Variants in UGT2A3 observed in about 807,000 individuals in gnomAD.
The protein encoded by UGT2A3 is UDP-glucuronosyltransferase 2A3.
UGT2A3 carries 55 observed loss-of-function variants against 44.1 expected under a neutral mutation model. The ratio of observed to expected loss-of-function variants is 1.25; its 90% CI spans 1.00 to 1.56. The LOEUF (loss-of-function observed/expected upper bound fraction) is 1.56, where lower values mean the gene tolerates loss of function less well. UGT2A3 is among the 40% of genes most tolerant of loss of function. UGT2A3 has a pLI of 0.00. For synonymous variants in UGT2A3, 243 were observed against 215.1 expected (o/e 1.13, Z -1.13); for missense variants, 733 against 621.6 (o/e 1.18, Z -1.91).
chr4:68,936,539 C>G (rs965232004), intron 2 of UGT2A3, among the ~76,000 whole-genome samples: 6 of 152,026 alleles, frequency 3.9e-5, no homozygotes, highest in Non-Finnish European at 8.8e-5. Flanking sequence ...CCAGGCCTGC[C>G]TTACAAGAGC....
chr4:68,930,735 T>C lies in UGT2A3; in HGVS notation c.1115A>G (p.His372Arg), dbSNP rs765084774. Reference protein sequence around the residue: ...GHPKTKAFITHGGMNGIYEAI... With the variant: ...GHPKTKAFITRGGMNGIYEAI... ...TTCATAGATCCCATTCATTCCACCA[T>C]GAGTGATAAAAGCTTTGGTTTTGGG... is the stretch of plus-strand genomic sequence containing the variant. Residue 372 changes from histidine (H) to arginine (R), a missense_variant, in exon 5 of 6, where the codon CAT becomes CGT. Coordinates refer to ENST00000251566, the MANE Select transcript of UGT2A3 (RefSeq NM_024743.4). The C allele has an allele frequency of 1.9e-6, 3 of 1,605,904 alleles. No individual in the cohort carries two copies. In the Admixed American group the frequency reaches 5.2e-5, roughly 28 times the overall value.
At chr4:68,942,159 A>G (rs1033933754) in intron 2 of UGT2A3, among the ~76,000 whole-genome samples, 1 of 151,672 alleles carries the variant, frequency 6.6e-6, no homozygotes, top group East Asian at 2.0e-4. Context: ...GAAGTCATAG[A>G]GATATCTGTC....
intron 2 of UGT2A3, among the ~76,000 whole-genome samples, chr4:68,936,008 A>G (rs755765243): frequency 1.3e-4 from 20 of 152,122 alleles, no homozygotes; most frequent in Non-Finnish European, 1.6e-4. Context: ...AGACAAGTTT[A>G]GGGAAAAAAG....
intron 2 of UGT2A3, among the ~76,000 whole-genome samples, chr4:68,934,066 G>A (rs1044392705): frequency 2.0e-5 from 3 of 151,654 alleles, no homozygotes; most frequent in African/African-American, 7.3e-5. Flanking sequence ...AAACTGGGAA[G>A]TATGACATCT....
intron 2 of UGT2A3, among the ~76,000 whole-genome samples, chr4:68,941,694 A>T (rs372020937): frequency 6.6e-6 from 1 of 151,914 alleles, no homozygotes; most frequent in East Asian, 1.9e-4. Context: ...AACAGGGTGA[A>T]GAGACAATTC....
chr4:68,932,893 C>T, intron 2 of UGT2A3, 134 bp from the exon 3 acceptor site: 1 of 857,084 alleles, frequency 1.2e-6, no homozygotes, highest in Non-Finnish European at 1.8e-6. Flanking sequence ...TATGCTGACA[C>T]ACAGAACTAT....
chr4:68,944,065 CTT>C (rs914610619), intron 2 of UGT2A3, among the ~76,000 whole-genome samples: 6 of 151,812 alleles, frequency 4.0e-5, no homozygotes, highest in African/African-American at 1.4e-4. Flanking sequence ...ATGCTGAACT[CTT>C]TTCTCTAGAA....
chr4:68,933,621 C>T (rs1211402097), intron 2 of UGT2A3, among the ~76,000 whole-genome samples: 1 of 152,030 alleles, frequency 6.6e-6, no homozygotes, highest in African/African-American at 2.4e-5. Flanking sequence ...GAGACACAAT[C>T]CAAGGGAAGG....
At position 68,951,170 on chromosome 4, in the gene UGT2A3, T is replaced by C. The variant is rs1351814017; in HGVS notation, c.591A>G (p.Thr197=). Residue 197 remains threonine, a synonymous_variant, in exon 1 of 6, where the codon ACA becomes ACG. Coordinates refer to ENST00000251566, the MANE Select transcript of UGT2A3 (RefSeq NM_024743.4). ...APLSYVPVPM[T]GLTDRMTFLE... ...GAAAGGTCATTCTGTCTGTTAGTCCTGTCATAGGCACAGGTACATAGGAAA... is the reference window on the plus strand; with the variant it reads ...GAAAGGTCATTCTGTCTGTTAGTCCCGTCATAGGCACAGGTACATAGGAAA... The C allele has an allele frequency of 6.2e-6, 10 of 1,611,970 alleles. No homozygotes were observed. The highest frequency in any genetic ancestry group is 6.8e-6 in the Non-Finnish European group (8 of 1,179,030).
chr4:68,935,276 GTATATATATATATATATATA>G lies in UGT2A3; in HGVS notation c.865-2537_865-2518del, dbSNP rs57286694. On this transcript the variant is annotated intron_variant, in intron 2 of 5. Coordinates refer to ENST00000251566, the MANE Select transcript of UGT2A3 (RefSeq NM_024743.4). ...AGGAGGTGTGTATGTATGTATGTAT[GTATATATATATATATATATA>G]TATATATATATATATATATATGCAT... 6.3e-4 allele frequency among the ~76,000 whole-genome samples: 38 copies of G among 60,138 alleles called. 1 individual carries two copies. The East Asian group carries it at 0.012, about 19-fold the overall frequency. 39.5% of individuals were successfully genotyped at this position (60,138 alleles called of 152,430 possible).
chr4:68,931,071 G>C, intron 4 of UGT2A3, 84 bp downstream of exon 4: 1 of 1,113,838 alleles, frequency 9.0e-7, no homozygotes, highest in Non-Finnish European at 1.3e-6. Flanking sequence ...TATAATTTTA[G>C]ATCTTTGCTG....
At position 68,943,079 on chromosome 4, in the gene UGT2A3, C is replaced by T. The variant is rs148070699; in HGVS notation, c.864+2227G>A. On this transcript the variant is annotated intron_variant, in intron 2 of 5. Transcript: ENST00000251566. ...AAAATAAATATTTAGTGTAAGACAG[C>T]CCTAAAATATATCTCAATTAAACTT... Among the ~76,000 whole-genome samples the T allele has an allele frequency of 6.9e-4, 105 of 151,702 alleles. No homozygotes were observed. The East Asian group carries it at 0.019, about 28-fold the overall frequency.
In UGT2A3 at chr4:68,951,036, AG is replaced by A; in HGVS notation, c.715+9del. On this transcript the variant is annotated intron_variant, in intron 1 of 5. Transcript: ENST00000251566. ...ATAACTAAATTAAAAATAAAACAAA[AG>A]TGTCTTACCTAATGCCTTACTATAA... 2 of 1,493,886 alleles carry A rather than the reference AG, an allele frequency of 1.3e-6. No homozygotes were observed. The highest frequency in any genetic ancestry group is 1.8e-6 in the Non-Finnish European group (2 of 1,116,962). The allele number at this position is 1,493,886 out of a possible 1,614,324, so 92.5% of individuals were successfully genotyped here. A position where few individuals can be genotyped will look rare whatever the true frequency, so the allele number is the denominator to read the frequency against.
Position 68,930,591 on chromosome 4 carries a change from C to T in UGT2A3, c.1259G>A (p.Ser420Asn), listed in dbSNP as rs747117115. The T allele has an allele frequency of 2.4e-5, 39 of 1,613,214 alleles. No homozygotes were observed. In the South Asian group the frequency reaches 3.5e-4, roughly 15 times the overall value. ...TCTCAAAGCCCTCAGTAAATCTTCG[C>T]TTGTCATAGTTTTGAAGTTTATTTC... ...AVEINFKTMT[S>N]EDLLRALRTV... The change falls in exon 5 of 6, where the codon AGC becomes AAC. Residue 420 changes from serine (S) to asparagine (N), a missense_variant. Ser to Asn is a conservative substitution (Grantham distance 46). Transcript: ENST00000251566.
At chr4:68,941,855 A>AT (rs1299456721) in intron 2 of UGT2A3, among the ~76,000 whole-genome samples, 3 of 151,906 alleles carry the variant, frequency 2.0e-5, no homozygotes, top group African/African-American at 7.2e-5. Flanking sequence ...AAAGAAGACT[A>AT]TCAGTGACTA....
chr4:68,945,451 C>T lies in UGT2A3; in HGVS notation c.719G>A (p.Arg240Lys), dbSNP rs772964985. ...WEEFYSKALG[R>K]PTTLCETVGK... ...CACAGTCTCACATAATGTAGTGGGC[C>T]TTCCTCAATAAAAGAAATAACAGAA... is the stretch of plus-strand genomic sequence containing the variant. The change falls in exon 2 of 6, where the codon AGG becomes AAG. Residue 240 changes from arginine (R) to lysine (K), a missense_variant. Coordinates refer to ENST00000251566, the MANE Select transcript of UGT2A3 (RefSeq NM_024743.4). 3 of 1,593,100 alleles carry T rather than the reference C, an allele frequency of 1.9e-6. No homozygotes were observed. The African/African-American group carries it at 4.1e-5, about 22-fold the overall frequency.
chr4:68,942,538 T>TATATATATATAC (rs1442602288), intron 2 of UGT2A3, among the ~76,000 whole-genome samples: 2,906 of 142,782 alleles, frequency 0.02, 134 homozygotes, highest in African/African-American at 0.071. Context: ...TATATATATA[T>TATATATATATAC]ACATTTTCCA....
chr4:68,944,912 A>G lies in UGT2A3; in HGVS notation c.864+394T>C, dbSNP rs1718328995. Among the ~76,000 whole-genome samples the G allele has an allele frequency of 2.0e-5, 3 of 151,726 alleles. No individual in the cohort carries two copies. The Admixed American group carries it at 2.0e-4, about 10-fold the overall frequency. On this transcript the variant is annotated intron_variant, in intron 2 of 5. Transcript: ENST00000251566. ...TCACTCACCAACTCCTGTGGAATAT[A>G]TCCAATATGTCTCATGAAAATATGC...
intron 2 of UGT2A3, among the ~76,000 whole-genome samples, chr4:68,939,299 C>T: frequency 6.6e-6 from 1 of 151,952 alleles, no homozygotes; most frequent in Non-Finnish European, 1.5e-5. Flanking sequence ...TGTCAAACTA[C>T]ATTACAAGGC....
Sources: allele counts gnomAD v4.1 joint callset (sites outside exome capture counted in the v4.1 genomes callset), GRCh38; gene constraint gnomAD v4.1.1; transcripts MANE v1.5; gene names NCBI Gene and HGNC (gene_info 2026-07-23, HGNC 2026-07-21).